Variants in SGIP1 observed in about 807,000 individuals in gnomAD.
SGIP1 encodes SH3-containing GRB2-like protein 3-interacting protein 1.
A neutral mutation model predicts 107.5 loss-of-function variants in SGIP1; 38 were observed. The observed-to-expected ratio is 0.35, with a 90% CI of 0.27 to 0.46. SGIP1 has a LOEUF of 0.46. Among genes scored for constraint, SGIP1 ranks in the 20% least tolerant of loss-of-function variants. The pLI is 1.00. For missense variants in SGIP1, 929 were observed against 1,019.5 expected, an observed-to-expected ratio of 0.91 and a Z score of 1.21; for synonymous variants, 365 against 366.1, an observed-to-expected ratio of 1.00 and a Z score of 0.03.
intron 1 of SGIP1, among the ~76,000 whole-genome samples, chr1:66,537,963 G>A (rs905843038): frequency 2.0e-5 from 3 of 152,038 alleles, no homozygotes; most frequent in Admixed American, 2.0e-4. Context: ...TTGAAAAATA[G>A]GCTGTAGTGC....
chr1:66,673,445 A>G (rs2084362729), intron 12 of SGIP1, 79 bp downstream of exon 12: 2 of 1,229,596 alleles, frequency 1.6e-6, no homozygotes, highest in Admixed American at 5.2e-5. Context: ...AAATGTATGT[A>G]TTTTGAGGTA....
intron 15 of SGIP1, 70 bp downstream of exon 15, chr1:66,682,439 C>T (rs1489631951): frequency 7.2e-6 from 11 of 1,526,740 alleles, no homozygotes; most frequent in South Asian, 3.9e-5. Flanking sequence ...TGAGCAACAC[C>T]GTCCTCCTGC....
chr1:66,587,001 A>G (rs12082341), intron 1 of SGIP1, among the ~76,000 whole-genome samples: 7,737 of 152,124 alleles, frequency 0.051, 605 homozygotes, highest in African/African-American at 0.17. Context: ...CTTGGCACTT[A>G]AAAGATATTG....
chr1:66,661,217 G>T (rs1247268160), intron 8 of SGIP1, among the ~76,000 whole-genome samples: 1 of 152,194 alleles, frequency 6.6e-6, no homozygotes. Context: ...TGCCTGGTTT[G>T]TTGGGAACAT....
At chr1:66,556,724 G>A (rs1204980077) in intron 1 of SGIP1, among the ~76,000 whole-genome samples, 1 of 151,758 alleles carries the variant, frequency 6.6e-6, no homozygotes, top group Non-Finnish European at 1.5e-5. Context: ...AATGAGCGTG[G>A]AGATCAGAAA....
intron 1 of SGIP1, among the ~76,000 whole-genome samples, chr1:66,592,964 G>C (rs180738366): frequency 8.7e-6 from 1 of 115,030 alleles, no homozygotes; most frequent in African/African-American, 3.4e-5. Context: ...GGCTGATCTC[G>C]AACTCCTGGA....
At chr1:66,657,192 A>C (rs1352288668) in intron 7 of SGIP1, among the ~76,000 whole-genome samples, 1 of 152,110 alleles carries the variant, frequency 6.6e-6, no homozygotes, top group Non-Finnish European at 1.5e-5. Context: ...TATATCATAT[A>C]AATGAAAATA....
At chr1:66,602,733 A>G (rs951003078) in intron 1 of SGIP1, among the ~76,000 whole-genome samples, 2 of 152,160 alleles carry the variant, frequency 1.3e-5, no homozygotes, top group African/African-American at 4.8e-5. Context: ...ACTAACGTAA[A>G]GATATATCTA....
chr1:66,673,259 T>C lies in SGIP1; in HGVS notation c.561-22T>C, dbSNP rs190351378. 29 of 1,611,884 alleles carry C rather than the reference T, an allele frequency of 1.8e-5. No homozygotes were observed. In the African/African-American group the frequency reaches 2.9e-4, roughly 16 times the overall value. ...ATTTTTGAGCCCTTTCCCTGTATTT[T>C]GCCTTAATGTGTGTGATTTAGCAAA... On this transcript the variant is annotated intron_variant, in intron 11 of 24. Transcript: ENST00000371037.
At chr1:66,687,725 G>A (rs1174799663) in intron 15 of SGIP1, among the ~76,000 whole-genome samples, 2 of 152,162 alleles carry the variant, frequency 1.3e-5, no homozygotes, top group African/African-American at 4.8e-5. Flanking sequence ...AAGCTTATCA[G>A]GGGAATAAGA....
intron 1 of SGIP1, among the ~76,000 whole-genome samples, chr1:66,556,726 G>T (rs190852562): frequency 8.6e-5 from 13 of 151,904 alleles, no homozygotes; most frequent in Admixed American, 3.3e-4. Flanking sequence ...TGAGCGTGGA[G>T]ATCAGAAAGT....
intron 14 of SGIP1, 80 bp downstream of exon 14, chr1:66,679,832 G>T (rs542796309): frequency 2.4e-6 from 3 of 1,274,326 alleles, no homozygotes; most frequent in South Asian, 3.3e-5. Context: ...TTGATGTGTT[G>T]AAAACTGTAG....
chr1:66,609,716 C>A (rs1379333425), intron 1 of SGIP1, among the ~76,000 whole-genome samples: 1 of 152,208 alleles, frequency 6.6e-6, no homozygotes, highest in Non-Finnish European at 1.5e-5. Context: ...CTGGTTTCAA[C>A]TGAGTTTCAG....
rs753146209 is a variant in SGIP1, at chr1:66,643,563, T to C, written c.303T>C (p.Phe101=). 6.2e-7 allele frequency: 1 copy of C among 1,608,926 alleles called. No homozygotes were observed. The highest frequency in any genetic ancestry group is 8.5e-7 in the Non-Finnish European group (1 of 1,178,052). ...EEPGSTKGKH[F]YSSSESEEEE... is the part of the protein sequence containing the mutation. ...TTCTACCTACCAAAGGAAAGCACTTTTATTCTTCAAGTGAATCGGAAGAAG... is the reference window on the plus strand; with the variant it reads ...TTCTACCTACCAAAGGAAAGCACTTCTATTCTTCAAGTGAATCGGAAGAAG... Residue 101 remains phenylalanine, a synonymous_variant, in exon 7 of 25, where the codon TTT becomes TTC. Transcript: ENST00000371037.
chr1:66,618,405 A>C (rs973867675), intron 1 of SGIP1, among the ~76,000 whole-genome samples: 1 of 151,754 alleles, frequency 6.6e-6, no homozygotes, highest in African/African-American at 2.4e-5. Flanking sequence ...CATTAGTTTA[A>C]AAAAAATGAT....
At chr1:66,598,218 A>G (rs1471959804) in intron 1 of SGIP1, among the ~76,000 whole-genome samples, 1 of 152,188 alleles carries the variant, frequency 6.6e-6, no homozygotes, top group South Asian at 2.1e-4. Context: ...TTTTCTTTAC[A>G]TGTACTCTAT....
intron 1 of SGIP1, among the ~76,000 whole-genome samples, chr1:66,610,534 G>A (rs909964389): frequency 6.6e-6 from 1 of 152,116 alleles, no homozygotes; most frequent in Non-Finnish European, 1.5e-5. Context: ...CATTAGTTGT[G>A]TCTTATCATT....
intron 1 of SGIP1, among the ~76,000 whole-genome samples, chr1:66,571,064 G>T (rs749913484): frequency 1.3e-4 from 19 of 151,942 alleles, no homozygotes; most frequent in Admixed American, 2.0e-4. Context: ...GCAATATAAA[G>T]TACTCAGCAC....
chr1:66,549,965 C>A (rs994700395), intron 1 of SGIP1, among the ~76,000 whole-genome samples: 6 of 152,098 alleles, frequency 3.9e-5, no homozygotes, highest in African/African-American at 1.4e-4. Flanking sequence ...CAGAAGGAAG[C>A]AGGAATCTTT....
Sources: gnomAD v4.1 joint callset for allele counts (sites outside exome capture counted in the v4.1 genomes callset) on GRCh38, gnomAD v4.1.1 for gene constraint, MANE v1.5 for transcripts, NCBI Gene and HGNC (gene_info 2026-07-23, HGNC 2026-07-21) for gene names.